TRIM9: variants seen among roughly 807,000 people sequenced by gnomAD.
TRIM9 encodes tripartite motif containing 9, also known as E3 ubiquitin-protein ligase TRIM9.
Under a neutral mutation model 78.3 loss-of-function variants are expected in TRIM9, and 26 were observed. The observed-to-expected ratio is 0.33, with a 90% confidence interval of 0.24 to 0.46. TRIM9 has a LOEUF of 0.46. Ranked by LOEUF, TRIM9 falls within the 20% of genes least tolerant of loss-of-function variation. The pLI, the probability that TRIM9 is intolerant of heterozygous loss-of-function variation, is 1.00. For missense variants in TRIM9, 787 were observed against 1,036.4 expected (o/e 0.76, Z 3.30); for synonymous variants, 398 against 416.5 (o/e 0.96, Z 0.54).
At chr14:51,065,695 A>G (rs1937829830) in intron 1 of TRIM9, among the ~76,000 whole-genome samples, 1 of 152,214 alleles carries the variant, frequency 6.6e-6, no homozygotes. Context: ...GATTCACTTC[A>G]TGAGCATGAG....
chr14:51,065,165 T>C (rs1396247832), intron 1 of TRIM9, among the ~76,000 whole-genome samples: 3 of 152,332 alleles, frequency 2.0e-5, no homozygotes, highest in Admixed American at 6.5e-5. Flanking sequence ...ATTACATATA[T>C]GAATCCCTGT....
At chr14:51,076,028 T>C (rs892446462) in intron 1 of TRIM9, among the ~76,000 whole-genome samples, 1 of 152,212 alleles carries the variant, frequency 6.6e-6, no homozygotes, top group African/African-American at 2.4e-5. Flanking sequence ...AATGGCTGAA[T>C]GACCTTTGAA....
intron 1 of TRIM9, among the ~76,000 whole-genome samples, chr14:51,053,580 CTT>C (rs1348456935): frequency 0.034 from 2,572 of 74,772 alleles, 110 homozygotes; most frequent in African/African-American, 0.11. Flanking sequence ...TTTTAATTTT[CTT>C]TTTTTTTTTT....
At chr14:51,023,361 C>A (rs2139779262) in intron 2 of TRIM9, among the ~76,000 whole-genome samples, 1 of 152,036 alleles carries the variant, frequency 6.6e-6, no homozygotes, top group African/African-American at 2.4e-5. Flanking sequence ...TCATTAAATT[C>A]AAAGGAATAA....
chr14:51,078,316 A>G (rs895408970), intron 1 of TRIM9, among the ~76,000 whole-genome samples: 3 of 152,224 alleles, frequency 2.0e-5, no homozygotes, highest in Non-Finnish European at 4.4e-5. Flanking sequence ...ACTAAATGAA[A>G]TTAATTTTCA....
intron 4 of TRIM9, 138 bp from the exon 5 acceptor site, chr14:51,009,371 G>T: frequency 1.0e-6 from 1 of 1,003,156 alleles, no homozygotes; most frequent in Non-Finnish European, 1.4e-6. Flanking sequence ...TGCTGTTGGT[G>T]AGGAACACCC....
At position 50,983,395 on chromosome 14, in the gene TRIM9, G is replaced by T. The variant is rs1401168984; in HGVS notation, c.1819C>A (p.Pro607Thr). The change falls in exon 9 of 13, where the codon CCT becomes ACT. Residue 607 changes from proline to threonine, a missense_variant. By Grantham distance (38) the Pro-to-Thr change is conservative. Around this residue, in one of 3 missense-constraint regions of TRIM9, gnomAD observed 421 missense variants for 514.3 expected, o/e 0.82. Transcript: ENST00000684578. ...PGCNFETQSAPYSQLVDIKKL... is the reference protein window; with the variant it reads ...PGCNFETQSATYSQLVDIKKL... The stretch of plus-strand genomic sequence containing the variant: ...GTATACTTGCCTAATTGAGAGTAAG[G>T]TGCAGATTGTGTCTCAAAATTGCAT... The T allele has an allele frequency of 6.5e-7, 1 of 1,543,214 alleles. No homozygotes were observed. Among genetic ancestry groups the T allele is most frequent in the Non-Finnish European group, 8.8e-7 (1 of 1,142,548 alleles).
chr14:50,982,880 T>G, intron 10 of TRIM9, 62 bp downstream of exon 10: 19 of 1,457,132 alleles, frequency 1.3e-5, no homozygotes, highest in Non-Finnish European at 1.5e-5. Context: ...ATTAAACCTG[T>G]GAGACACCTC....
intron 2 of TRIM9, among the ~76,000 whole-genome samples, chr14:51,024,392 G>C (rs895905188): frequency 3.9e-5 from 6 of 152,178 alleles, no homozygotes; most frequent in Non-Finnish European, 8.8e-5. Context: ...AAAAGGCAAA[G>C]AAATCAGTGT....
intron 1 of TRIM9, among the ~76,000 whole-genome samples, chr14:51,027,908 A>G (rs985499352): frequency 4.0e-5 from 6 of 151,634 alleles, no homozygotes; most frequent in Non-Finnish European, 8.8e-5. Context: ...ATTATAACCT[A>G]TGTTTAGTAA....
intron 1 of TRIM9, among the ~76,000 whole-genome samples, chr14:51,091,904 A>G (rs2064370205): frequency 6.6e-6 from 1 of 152,220 alleles, no homozygotes; most frequent in Non-Finnish European, 1.5e-5. Flanking sequence ...AAAACAAATG[A>G]TTTAACATTT....
At chr14:51,051,809 A>T (rs947094629) in intron 1 of TRIM9, among the ~76,000 whole-genome samples, 1 of 152,106 alleles carries the variant, frequency 6.6e-6, no homozygotes, top group Non-Finnish European at 1.5e-5. Context: ...TCTACTAAAA[A>T]TACAAAAATA....
chr14:51,000,978 T>A, intron 5 of TRIM9, 138 bp from the exon 6 acceptor site: 3 of 998,964 alleles, frequency 3.0e-6, no homozygotes, highest in South Asian at 1.6e-5. Flanking sequence ...AACAGGATCC[T>A]TCACAGAGTC....
chr14:51,041,674 G>A (rs2059587899), intron 1 of TRIM9, among the ~76,000 whole-genome samples: 1 of 152,130 alleles, frequency 6.6e-6, no homozygotes, highest in Non-Finnish European at 1.5e-5. Context: ...AAGATTAGGT[G>A]CTGCTATTGT....
intron 1 of TRIM9, among the ~76,000 whole-genome samples, chr14:51,036,455 G>T (rs2059158812): frequency 6.6e-6 from 1 of 152,086 alleles, no homozygotes; most frequent in Non-Finnish European, 1.5e-5. Flanking sequence ...GTGATAAGTG[G>T]AAAAGGGGAA....
intron 1 of TRIM9, among the ~76,000 whole-genome samples, chr14:51,050,470 G>C (rs1469286676): frequency 6.6e-6 from 1 of 152,188 alleles, no homozygotes; most frequent in African/African-American, 2.4e-5. Context: ...ACGTGGAACT[G>C]TGAGTCCATT....
At chr14:51,067,464 C>G (rs886868049) in intron 1 of TRIM9, among the ~76,000 whole-genome samples, 1 of 152,140 alleles carries the variant, frequency 6.6e-6, no homozygotes, top group African/African-American at 2.4e-5. Context: ...TAAGACACTC[C>G]CATGGCCTCC....
At chr14:51,053,649 A>T (rs2060647631) in intron 1 of TRIM9, among the ~76,000 whole-genome samples, 1 of 132,564 alleles carries the variant, frequency 7.5e-6, no homozygotes, top group African/African-American at 2.9e-5. Context: ...CACATTGTGC[A>T]GGTTAGTTAC....
Position 50,979,523 on chromosome 14 carries a change from G to C in TRIM9, c.2189C>G (p.Ala730Gly), listed in dbSNP as rs1297335658. 1 of 1,614,056 alleles carries C rather than the reference G, an allele frequency of 6.2e-7. No individual in the cohort carries two copies. The highest frequency in any genetic ancestry group is 1.7e-5 in the Admixed American group (1 of 60,010). ...TAAGTCGAGGAGGACCCCAATTGTGGCCCCTTTTGTGATCCCTCCCTCAGT... is the reference window on the plus strand; with the variant it reads ...TAAGTCGAGGAGGACCCCAATTGTGCCCCCTTTTGTGATCCCTCCCTCAGT... ...NRTEGGITKG[A>G]TIGVLLDLNR... The change falls in exon 12 of 13, where the codon GCC becomes GGC. Residue 730 changes from alanine (A) to glycine (G), a missense_variant. Ala to Gly is a moderately conservative substitution (Grantham distance 60). Coordinates refer to ENST00000684578, the MANE Select transcript of TRIM9 (RefSeq NM_001387360.1).
Sources: gnomAD v4.1 joint callset for allele counts (sites outside exome capture counted in the v4.1 genomes callset) on GRCh38, gnomAD v4.1.1 for gene constraint, gnomAD v4.1.1 regional missense constraint, MANE v1.5 for transcripts, NCBI Gene and HGNC (gene_info 2026-07-23, HGNC 2026-07-21) for gene names.